CNTNAP2: variants seen among roughly 807,000 people sequenced by gnomAD.
CNTNAP2 encodes the protein contactin-associated protein-like 2.
In CNTNAP2, 98 loss-of-function variants were observed where a neutral mutation model predicts 155.2. That is an observed-to-expected ratio of 0.63 (90% CI 0.54 to 0.75). The LOEUF (loss-of-function observed/expected upper bound fraction) is 0.75, where lower values mean the gene tolerates loss of function less well. CNTNAP2 is among the 30% of genes least tolerant of loss of function. The pLI, the probability that CNTNAP2 is intolerant of heterozygous loss-of-function variation, is 0.00. For missense variants in CNTNAP2, 1,727 were observed against 1,688.1 expected (o/e 1.02, Z -0.40); for synonymous variants, 651 against 631.2 (o/e 1.03, Z -0.47).
intron 8 of CNTNAP2, among the ~76,000 whole-genome samples, chr7:147,256,399 T>C (rs1563135714): frequency 6.6e-6 from 1 of 152,158 alleles, no homozygotes; most frequent in East Asian, 1.9e-4. Context: ...CATTTAACAT[T>C]ACAGCTTTCT....
intron 15 of CNTNAP2, among the ~76,000 whole-genome samples, chr7:147,987,393 T>G (rs181220159): frequency 1.3e-5 from 2 of 152,318 alleles, no homozygotes; most frequent in East Asian, 3.9e-4. Context: ...ACAATTGACA[T>G]GATATTTGTG....
intron 1 of CNTNAP2, among the ~76,000 whole-genome samples, chr7:146,251,679 C>A (rs751577203): frequency 4.5e-4 from 68 of 152,206 alleles, no homozygotes; most frequent in Non-Finnish European, 7.8e-4. Context: ...TGAAGTAACT[C>A]ACAATTTAGG....
chr7:147,893,291 G>A (rs950695308), intron 13 of CNTNAP2, among the ~76,000 whole-genome samples: 5 of 151,948 alleles, frequency 3.3e-5, no homozygotes, highest in African/African-American at 1.2e-4. Flanking sequence ...TCCAGACCAT[G>A]GTTATAAAAC....
At chr7:147,435,210 C>G (rs1797530853) in intron 10 of CNTNAP2, among the ~76,000 whole-genome samples, 1 of 152,236 alleles carries the variant, frequency 6.6e-6, no homozygotes, top group Middle Eastern at 3.4e-3. Context: ...AGTTTTGTCA[C>G]AATAAATGAG....
chr7:148,290,112 G>C (rs73464198), intron 21 of CNTNAP2, among the ~76,000 whole-genome samples: 5 of 151,944 alleles, frequency 3.3e-5, no homozygotes, highest in Non-Finnish European at 5.9e-5. Context: ...AGTAGTCACG[G>C]TATCCTAGAT....
intron 3 of CNTNAP2, 60 bp from the exon 4 acceptor site, chr7:147,043,847 A>G (rs549200396): frequency 6.3e-7 from 1 of 1,589,262 alleles, no homozygotes; most frequent in African/African-American, 1.3e-5. Context: ...TAGTAGACAG[A>G]GGACATGATT....
At chr7:146,751,184 C>A (rs1801896765) in intron 1 of CNTNAP2, among the ~76,000 whole-genome samples, 1 of 152,112 alleles carries the variant, frequency 6.6e-6, no homozygotes. Flanking sequence ...AACTTTTGAA[C>A]ATTTACAAAT....
intron 12 of CNTNAP2, 116 bp downstream of exon 12, chr7:147,562,373 A>C (rs1173771952): frequency 1.6e-6 from 2 of 1,285,952 alleles, no homozygotes; most frequent in East Asian, 4.7e-5. Flanking sequence ...TCTAATCAGC[A>C]ACATATTGCT....
intron 1 of CNTNAP2, among the ~76,000 whole-genome samples, chr7:146,484,144 G>A (rs1348584719): frequency 7.2e-5 from 11 of 152,138 alleles, no homozygotes; most frequent in Non-Finnish European, 1.3e-4. Context: ...ATAGTAACAT[G>A]CTGTACAAGT....
At position 146,705,483 on chromosome 7, in the gene CNTNAP2, C is replaced by T. The variant is rs558351347; in HGVS notation, c.98-68788C>T. On this transcript the variant is annotated intron_variant, in intron 1 of 23. Transcript: ENST00000361727. ...TGATGAGAAGTCTCTACCCTTATGA[C>T]CTATCACCCCGCAAAATGCTCCACC... is the stretch of plus-strand genomic sequence containing the variant. 4.9e-4 allele frequency among the ~76,000 whole-genome samples: 75 copies of T among 152,136 alleles called. No homozygotes were observed. In the South Asian group the frequency reaches 8.9e-3, roughly 18 times the overall value.
chr7:147,053,984 C>T (rs1038285358), intron 4 of CNTNAP2, among the ~76,000 whole-genome samples: 1 of 152,150 alleles, frequency 6.6e-6, no homozygotes, highest in Non-Finnish European at 1.5e-5. Flanking sequence ...CCAAAACCCA[C>T]AGAGTTATGC....
intron 13 of CNTNAP2, among the ~76,000 whole-genome samples, chr7:147,716,282 G>C (rs529602338): frequency 6.6e-6 from 1 of 152,272 alleles, no homozygotes; most frequent in South Asian, 2.1e-4. Context: ...GAGGTTAACA[G>C]TGAACGTTTA....
At chr7:146,581,935 G>A (rs917016971) in intron 1 of CNTNAP2, among the ~76,000 whole-genome samples, 1 of 152,034 alleles carries the variant, frequency 6.6e-6, no homozygotes, top group African/African-American at 2.4e-5. Flanking sequence ...TTCTGACCAC[G>A]AGGAGTTTAC....
At chr7:146,566,554 G>C (rs1268757008) in intron 1 of CNTNAP2, among the ~76,000 whole-genome samples, 3 of 151,952 alleles carry the variant, frequency 2.0e-5, no homozygotes, top group Non-Finnish European at 4.4e-5. Context: ...CAAATTAGCT[G>C]GGCGTGGTGG....
At chr7:146,524,742 A>G (rs1472609326) in intron 1 of CNTNAP2, among the ~76,000 whole-genome samples, 1 of 152,138 alleles carries the variant, frequency 6.6e-6, no homozygotes, top group Admixed American at 6.6e-5. Context: ...TAAGAACATT[A>G]TAAATACAAG....
At chr7:146,366,124 A>G (rs1203396430) in intron 1 of CNTNAP2, among the ~76,000 whole-genome samples, 3 of 152,172 alleles carry the variant, frequency 2.0e-5, no homozygotes, top group Admixed American at 6.5e-5. Flanking sequence ...ATATATATAC[A>G]CATAGATATT....
At chr7:147,967,799 G>T (rs1413040757) in intron 14 of CNTNAP2, among the ~76,000 whole-genome samples, 1 of 152,086 alleles carries the variant, frequency 6.6e-6, no homozygotes, top group Non-Finnish European at 1.5e-5. Context: ...GGTAGGGTTT[G>T]CCTTTGCAAA....
intron 1 of CNTNAP2, among the ~76,000 whole-genome samples, chr7:146,684,306 T>C (rs1277721103): frequency 6.6e-6 from 1 of 152,154 alleles, no homozygotes; most frequent in Non-Finnish European, 1.5e-5. Context: ...CTTTAAGAAC[T>C]GCTGTTTTCG....
At chr7:146,730,996 T>C (rs1164332773) in intron 1 of CNTNAP2, among the ~76,000 whole-genome samples, 1 of 152,182 alleles carries the variant, frequency 6.6e-6, no homozygotes, top group Non-Finnish European at 1.5e-5. Flanking sequence ...TAGTGTTTAT[T>C]GTGTTCATAA....
Sources: allele counts gnomAD v4.1 joint callset (sites outside exome capture counted in the v4.1 genomes callset), GRCh38; gene constraint gnomAD v4.1.1; transcripts MANE v1.5; gene names NCBI Gene and HGNC (gene_info 2026-07-23, HGNC 2026-07-21).